Variants in LRMDA observed in about 807,000 individuals in gnomAD.
LRMDA encodes the protein leucine-rich melanocyte differentiation-associated protein.
Under a neutral mutation model 29.8 loss-of-function variants are expected in LRMDA, and 18 were observed. The observed-to-expected ratio is 0.60, with a 90% CI of 0.42 to 0.90. The LOEUF (loss-of-function observed/expected upper bound fraction) is 0.90, where lower values mean the gene tolerates loss of function less well. Among genes scored for constraint, LRMDA ranks in the 40% least tolerant of loss-of-function variants. LRMDA has a pLI of 0.00. For missense variants in LRMDA, 273 were observed against 273.9 expected (o/e 1.00, Z 0.02); for synonymous variants, 125 against 109.4 (o/e 1.14, Z -0.89).
At chr10:75,722,412 A>C in intron 2 of LRMDA, among the ~76,000 whole-genome samples, 1 of 152,194 alleles carries the variant, frequency 6.6e-6, no homozygotes, top group Non-Finnish European at 1.5e-5. Flanking sequence ...TATAAGACAA[A>C]GTGTTTTAAT....
intron 5 of LRMDA, among the ~76,000 whole-genome samples, chr10:76,123,435 G>A (rs1370544832): frequency 6.6e-6 from 1 of 152,108 alleles, no homozygotes; most frequent in Non-Finnish European, 1.5e-5. Flanking sequence ...CCTGAGCCTG[G>A]GAGGTCGAGG....
chr10:76,473,432 T>C (rs1842637580), intron 6 of LRMDA, among the ~76,000 whole-genome samples: 1 of 151,488 alleles, frequency 6.6e-6, no homozygotes, highest in Non-Finnish European at 1.5e-5. Context: ...AGATTGAATG[T>C]TTTCCCCCCT....
intron 2 of LRMDA, among the ~76,000 whole-genome samples, chr10:75,935,996 TTTTTATTTTA>T (rs145141243): frequency 1.3e-5 from 2 of 151,912 alleles, no homozygotes; most frequent in African/African-American, 4.9e-5. Context: ...CTCATTTTTA[TTTTTATTTTA>T]TTTTATTTTA....
intron 2 of LRMDA, among the ~76,000 whole-genome samples, chr10:75,596,447 G>C (rs1487087726): frequency 1.3e-5 from 2 of 152,066 alleles, no homozygotes; most frequent in Non-Finnish European, 2.9e-5. Context: ...TTTCTTCCTA[G>C]GAGTCTCCTT....
intron 6 of LRMDA, among the ~76,000 whole-genome samples, chr10:76,399,606 A>G (rs1039508475): frequency 5.3e-5 from 8 of 152,232 alleles, no homozygotes; most frequent in Non-Finnish European, 8.8e-5. Flanking sequence ...GTCACCTTGA[A>G]TAGTATTCTA....
intron 2 of LRMDA, among the ~76,000 whole-genome samples, chr10:75,919,925 G>A (rs74459499): frequency 7.9e-5 from 12 of 151,982 alleles, no homozygotes; most frequent in East Asian, 5.8e-4. Flanking sequence ...TTTCAGAAAC[G>A]CATTGTCCCT....
At chr10:76,261,077 T>TTTG (rs1324689631) in intron 5 of LRMDA, among the ~76,000 whole-genome samples, 1 of 147,732 alleles carries the variant, frequency 6.8e-6, no homozygotes, top group African/African-American at 2.5e-5. Flanking sequence ...TTTTTTTTTT[T>TTTG]TTTTTGAGAC....
At chr10:75,965,619 G>C (rs181658430) in intron 2 of LRMDA, among the ~76,000 whole-genome samples, 2 of 152,148 alleles carry the variant, frequency 1.3e-5, no homozygotes, top group African/African-American at 4.8e-5. Context: ...AACTCTACTT[G>C]TTGGGCTCTG....
At chr10:75,559,892 C>A (rs12411491) in intron 2 of LRMDA, among the ~76,000 whole-genome samples, 3,110 of 46,216 alleles carry the variant, frequency 0.067, 173 homozygotes, top group East Asian at 0.15. Context: ...ATTGATCTAT[C>A]TCTCTGTTTT....
intron 2 of LRMDA, among the ~76,000 whole-genome samples, chr10:75,446,771 C>T (rs967295668): frequency 1.3e-5 from 2 of 152,156 alleles, no homozygotes; most frequent in Non-Finnish European, 1.5e-5. Flanking sequence ...TAAACCAGCT[C>T]ACCTCATATA....
At chr10:76,514,489 G>C (rs536765533) in intron 6 of LRMDA, among the ~76,000 whole-genome samples, 10 of 152,318 alleles carry the variant, frequency 6.6e-5, no homozygotes, top group Admixed American at 3.9e-4. Flanking sequence ...ACATCATGAG[G>C]CTTTCTGGAG....
chr10:75,666,646 T>G (rs751718809), intron 2 of LRMDA, among the ~76,000 whole-genome samples: 1 of 152,140 alleles, frequency 6.6e-6, no homozygotes, highest in Non-Finnish European at 1.5e-5. Context: ...AAGAGAGAAT[T>G]TATAAGTATA....
chr10:76,058,343 C>T (rs1365624428), intron 4 of LRMDA, among the ~76,000 whole-genome samples: 2 of 152,184 alleles, frequency 1.3e-5, no homozygotes, highest in East Asian at 1.9e-4. Flanking sequence ...GAAGCTGAGC[C>T]TGTTTTCTAG....
rs191690999 is a variant in LRMDA, at chr10:76,374,766, A to G, written c.601+50281A>G. Among the ~76,000 whole-genome samples, 19 of 152,282 alleles carry G rather than the reference A, an allele frequency of 1.2e-4. 1 individual carries two copies. The highest frequency in any genetic ancestry group is 5.8e-4 in the East Asian group (3 of 5,182). ...TTTGGGTAACATGTGCTGGCCCTCT[A>G]TGTAGCAGAGTTAATTCTGTTAGAT... On this transcript the variant is annotated intron_variant, in intron 6 of 6. Transcript: ENST00000611255.
chr10:75,960,968 A>G (rs1846754872), intron 2 of LRMDA, among the ~76,000 whole-genome samples: 1 of 152,170 alleles, frequency 6.6e-6, no homozygotes, highest in South Asian at 2.1e-4. Flanking sequence ...GAAAAGGCCC[A>G]TCTTTCTATC....
At chr10:76,415,946 T>C (rs1177178898) in intron 6 of LRMDA, among the ~76,000 whole-genome samples, 1 of 152,130 alleles carries the variant, frequency 6.6e-6, no homozygotes, top group Non-Finnish European at 1.5e-5. Flanking sequence ...AATGTAAGAG[T>C]AGGCTTTTAA....
At chr10:75,926,964 C>G (rs907594308) in intron 2 of LRMDA, among the ~76,000 whole-genome samples, 4 of 152,136 alleles carry the variant, frequency 2.6e-5, no homozygotes, top group African/African-American at 9.7e-5. Flanking sequence ...AGGAAGCCTC[C>G]CCTAGTGCTC....
chr10:76,105,761 T>C (rs565176618), intron 5 of LRMDA, among the ~76,000 whole-genome samples: 6 of 152,322 alleles, frequency 3.9e-5, no homozygotes, highest in Non-Finnish European at 8.8e-5. Context: ...TTTGTTTTGT[T>C]TTTTTGAGAT....
At chr10:76,169,519 C>T (rs1850797610) in intron 5 of LRMDA, among the ~76,000 whole-genome samples, 1 of 152,092 alleles carries the variant, frequency 6.6e-6, no homozygotes, top group African/African-American at 2.4e-5. Flanking sequence ...GGTTAAATCA[C>T]TGAGACCCTA....
Sources: gnomAD v4.1 joint callset for allele counts (sites outside exome capture counted in the v4.1 genomes callset) on GRCh38, gnomAD v4.1.1 for gene constraint, MANE v1.5 for transcripts, NCBI Gene and HGNC (gene_info 2026-07-23, HGNC 2026-07-21) for gene names.